The following PDIA6 variants were observed in gnomAD, a reference collection of about 807,000 sequenced individuals.
PDIA6 encodes the protein protein disulfide isomerase family A member 6.
Under a neutral mutation model 58.4 loss-of-function variants are expected in PDIA6, and 29 were observed. The ratio of observed to expected loss-of-function variants is 0.50; its 90% CI spans 0.37 to 0.68. The LOEUF is 0.68. PDIA6 is among the 30% of genes least tolerant of loss of function. The pLI is 0.00. For missense variants in PDIA6, 480 were observed against 551.0 expected, an observed-to-expected ratio of 0.87 and a Z score of 1.29; for synonymous variants, 192 against 202.6, an observed-to-expected ratio of 0.95 and a Z score of 0.44.
chr2:10,790,754 C>T lies in PDIA6; in HGVS notation c.664G>A (p.Ala222Thr), dbSNP rs1369079372. The change falls in exon 7 of 13, where the codon GCT (alanine) becomes ACT (threonine). Residue 222 changes from alanine (A) to threonine (T), a missense_variant. Ala to Thr is a moderately conservative substitution (Grantham distance 58). Coordinates refer to ENST00000272227, the MANE Select transcript of PDIA6 (RefSeq NM_005742.4). ...GAGGCCAGAACCTGATTGACTGTAG[C>T]ATCCACAGCTGCCAGTTTCACTTTT... ...KGKVKLAAVD[A>T]TVNQVLASRY... 1 of 1,614,086 alleles carries T rather than the reference C, an allele frequency of 6.2e-7. No individual in the cohort carries two copies. Among genetic ancestry groups the T allele is most frequent in the East Asian group, 2.2e-5 (1 of 44,878 alleles).
At chr2:10,802,876 G>A (rs988667767) in intron 1 of PDIA6, among the ~76,000 whole-genome samples, 1 of 152,146 alleles carries the variant, frequency 6.6e-6, no homozygotes, top group African/African-American at 2.4e-5. Context: ...GGGCTGCACT[G>A]GAAAAAGGCT....
intron 11 of PDIA6, 114 bp from the exon 12 acceptor site, chr2:10,785,144 CTT>C: frequency 2.8e-6 from 2 of 711,688 alleles, no homozygotes; most frequent in Non-Finnish European, 4.9e-6. Flanking sequence ...AGAGGCATTT[CTT>C]CTCTCTTGCT....
upstream of PDIA6, among the ~76,000 whole-genome samples, chr2:10,815,887 T>C (rs1667177383): frequency 6.6e-6 from 1 of 152,042 alleles, no homozygotes; most frequent in Admixed American, 6.6e-5. Flanking sequence ...ATTAAATACA[T>C]TCACAATGTT....
rs746420885 is a variant in PDIA6 at position 10,793,120 on chromosome 2, G to A, written c.429C>T (p.Ser143=). The A allele has an allele frequency of 4.3e-6, 7 of 1,613,014 alleles. No homozygotes were observed. The South Asian group carries it at 5.5e-5, about 13-fold the overall frequency. The change falls in exon 5 of 13, where the codon AGC becomes AGT. Residue 143 remains serine (S), a synonymous_variant. Transcript: ENST00000272227. ...QLVKDRLGGR[S]GGYSSGKQGR... Reference sequence around the variant, plus strand: ...CTTGTTTTCCAGAACTGTATCCTCCGCTCCGTCCCCCGAGGCGATCCTTCA... The same window carrying A: ...CTTGTTTTCCAGAACTGTATCCTCCACTCCGTCCCCCGAGGCGATCCTTCA...
chr2:10,811,462 A>T (rs1261323188), intron 1 of PDIA6, among the ~76,000 whole-genome samples: 2 of 152,160 alleles, frequency 1.3e-5, no homozygotes, highest in Non-Finnish European at 2.9e-5. Flanking sequence ...GAAACCCTGC[A>T]CTCCAGCCTA....
At chr2:10,808,216 T>C (rs1344702732) in intron 1 of PDIA6, among the ~76,000 whole-genome samples, 1 of 152,210 alleles carries the variant, frequency 6.6e-6, no homozygotes, top group African/African-American at 2.4e-5. Flanking sequence ...ATTGGGAGAA[T>C]TATCCAGAGT....
chr2:10,784,849 G>T, intron 12 of PDIA6, 85 bp downstream of exon 12: 2 of 992,422 alleles, frequency 2.0e-6, no homozygotes, highest in Non-Finnish European at 3.1e-6. Flanking sequence ...TGATGGGAAG[G>T]ACTTGACTCC....
intron 1 of PDIA6, 91 bp downstream of exon 1, chr2:10,812,587 C>A: frequency 7.7e-7 from 1 of 1,306,476 alleles, no homozygotes; most frequent in South Asian, 1.6e-5. Context: ...CGGCCGCCTG[C>A]GGCCGCGGCC....
intron 1 of PDIA6, among the ~76,000 whole-genome samples, chr2:10,824,913 C>T (rs1410642898): frequency 6.6e-6 from 1 of 152,120 alleles, no homozygotes; most frequent in Non-Finnish European, 1.5e-5. Flanking sequence ...AAGTATTGAT[C>T]CTGGGTGTGT....
At chr2:10,822,957 G>A (rs1352175250) in intron 1 of PDIA6, among the ~76,000 whole-genome samples, 2 of 152,200 alleles carry the variant, frequency 1.3e-5, no homozygotes, top group African/African-American at 2.4e-5. Context: ...ATTGGCCATG[G>A]ACAGTTTTTC....
chr2:10,791,092 C>T (rs1291895597), intron 6 of PDIA6, among the ~76,000 whole-genome samples: 3 of 152,074 alleles, frequency 2.0e-5, no homozygotes, highest in Non-Finnish European at 4.4e-5. Flanking sequence ...AGTGATCCAC[C>T]TCACCAGGCC....
At chr2:10,805,826 C>A in intron 1 of PDIA6, among the ~76,000 whole-genome samples, 1 of 87,240 alleles carries the variant, frequency 1.1e-5, no homozygotes, top group East Asian at 3.4e-4. Context: ...AACCAAACAC[C>A]GCATATTCTC....
intron 1 of PDIA6, among the ~76,000 whole-genome samples, chr2:10,807,716 C>T (rs189192445): frequency 1.3e-5 from 2 of 152,322 alleles, no homozygotes; most frequent in Non-Finnish European, 2.9e-5. Flanking sequence ...TTTGGAATAA[C>T]TAAATGGTAC....
intron 1 of PDIA6, among the ~76,000 whole-genome samples, chr2:10,824,295 C>T (rs987843132): frequency 2.0e-5 from 3 of 152,216 alleles, no homozygotes; most frequent in African/African-American, 7.2e-5. Context: ...GGTTATGCCC[C>T]ATCCCTGGGG....
At chr2:10,809,585 A>C (rs1666908730) in intron 1 of PDIA6, among the ~76,000 whole-genome samples, 1 of 135,368 alleles carries the variant, frequency 7.4e-6, no homozygotes. Flanking sequence ...AGCCGCAGCT[A>C]CTCCAGAGGC....
intron 11 of PDIA6, among the ~76,000 whole-genome samples, chr2:10,785,391 T>C (rs970421557): frequency 5.3e-5 from 8 of 152,234 alleles, no homozygotes; most frequent in Non-Finnish European, 1.0e-4. Flanking sequence ...GCTGTGAACC[T>C]GTACAGAGGG....
chr2:10,826,978 A>T (rs1295726293), intron 1 of PDIA6, among the ~76,000 whole-genome samples: 1 of 152,170 alleles, frequency 6.6e-6, no homozygotes, highest in Non-Finnish European at 1.5e-5. Context: ...ACACCAGGTG[A>T]TCTGAAGTGA....
upstream of PDIA6, among the ~76,000 whole-genome samples, chr2:10,834,190 A>G (rs555332621): frequency 3.7e-4 from 57 of 152,366 alleles, no homozygotes; most frequent in Middle Eastern, 3.4e-3. Flanking sequence ...CATGATTTCA[A>G]AAGGAGGCAG....
At chr2:10,806,513 C>T (rs1032992012) in intron 1 of PDIA6, among the ~76,000 whole-genome samples, 2 of 150,078 alleles carry the variant, frequency 1.3e-5, no homozygotes, top group South Asian at 2.1e-4. Flanking sequence ...CCATGGCTCA[C>T]ACCTATAATC....
Sources: allele counts gnomAD v4.1 joint callset (sites outside exome capture counted in the v4.1 genomes callset), GRCh38; gene constraint gnomAD v4.1.1; transcripts MANE v1.5; gene names NCBI Gene and HGNC (gene_info 2026-07-23, HGNC 2026-07-21).